The following COG7 variants were observed in gnomAD, a reference collection of about 807,000 sequenced individuals.
COG7 encodes the protein component of oligomeric golgi complex 7, also known as conserved oligomeric Golgi complex subunit 7.
COG7 carries 49 observed loss-of-function variants against 91.5 expected under a neutral mutation model. The observed-to-expected ratio is 0.54, with a 90% CI of 0.43 to 0.68. The LOEUF (loss-of-function observed/expected upper bound fraction) is 0.68. Among genes scored for constraint, COG7 ranks in the 30% least tolerant of loss-of-function variants. The probability of loss-of-function intolerance (pLI) is 0.00; values close to 1 mark genes in which losing one functional copy is unlikely to be tolerated. For synonymous variants in COG7, 365 were observed against 388.7 expected, an observed-to-expected ratio of 0.94 and a Z score of 0.72; for missense variants, 895 against 961.3, an observed-to-expected ratio of 0.93 and a Z score of 0.91.
Position 23,453,055 on chromosome 16 carries a change from G to T in COG7, c.-61C>A. The T allele has an allele frequency of 6.2e-7, 1 of 1,607,732 alleles. No homozygotes were observed. Among genetic ancestry groups the T allele is most frequent in the Non-Finnish European group, 8.5e-7 (1 of 1,176,378 alleles). On this transcript the variant is annotated 5_prime_UTR_variant, in exon 1 of 17. Transcript: ENST00000307149. ...AGAGTTGGCTCCGGGCGGCAACGGG[G>T]ATGCAGAAGCGAGCGAGCCTGCGAG... is the stretch of plus-strand genomic sequence containing the variant.
At chr16:23,425,089 C>T (rs1005438828) in intron 6 of COG7, 142 bp from the exon 7 acceptor site, 3 of 706,672 alleles carry the variant, frequency 4.2e-6, no homozygotes, top group Non-Finnish European at 7.2e-6. Context: ...GAAGGTGGAT[C>T]ACTTGAAGCC....
chr16:23,424,269 C>G (rs1963807424), intron 7 of COG7, among the ~76,000 whole-genome samples: 1 of 148,122 alleles, frequency 6.8e-6, no homozygotes, highest in Non-Finnish European at 1.5e-5. Context: ...TGCACTCCAG[C>G]CTGGGCAACA....
At chr16:23,426,073 G>A (rs948543695) in intron 6 of COG7, among the ~76,000 whole-genome samples, 1 of 152,038 alleles carries the variant, frequency 6.6e-6, no homozygotes, top group African/African-American at 2.4e-5. Context: ...AAAATTAGCT[G>A]GGCATGGTGG....
Position 23,442,333 on chromosome 16 carries a change from CAAAAAAA to C in COG7, c.604+137_604+143del, listed in dbSNP as rs57747474. The C allele has an allele frequency of 1.2e-4, 64 of 550,048 alleles. No homozygotes were observed. In the African/African-American group the frequency reaches 1.4e-3, roughly 12 times the overall value. The allele number at this position is 550,048 out of a possible 1,614,324, so 34.1% of individuals were successfully genotyped here. ...TCGGTGACAGAGAAAGACTCCGTCT[CAAAAAAA>C]AAAAAAAAAAAAATTACAGAGTTCC... is the stretch of plus-strand genomic sequence containing the variant. On this transcript the variant is annotated intron_variant, in intron 4 of 16. Coordinates refer to ENST00000307149, the MANE Select transcript of COG7 (RefSeq NM_153603.4).
chr16:23,403,917 CAGG>C, intron 12 of COG7, 83 bp from the exon 13 acceptor site: 1 of 1,545,106 alleles, frequency 6.5e-7, no homozygotes, highest in Non-Finnish European at 8.9e-7. Flanking sequence ...TGAAAACTCA[CAGG>C]AGAACTGGGG....
rs1963212705 is a variant in COG7 at position 23,392,362 on chromosome 16, T to C, written c.2146+18A>G. 6.2e-7 allele frequency: 1 copy of C among 1,613,978 alleles called. No individual in the cohort carries two copies. Among genetic ancestry groups the C allele is most frequent in the Admixed American group, 1.7e-5 (1 of 59,978 alleles). On this transcript the variant is annotated intron_variant, in intron 16 of 16. Transcript: ENST00000307149. ...GGCAAGAGCTGTCCCTCCCACCGCC[T>C]GTCTTGTGGGGACCCACCGATGTCA... is the stretch of plus-strand genomic sequence containing the variant.
chr16:23,418,711 C>A lies in COG7; in HGVS notation c.1126G>T (p.Ala376Ser), dbSNP rs771031254. ...EESNLLIQMS[A>S]VPLEHGEVID... ...CACTGCGACTTTACCAGAGGCACAGCACTCATCTGGATGAGGAGGTTGCTC... is the reference window on the plus strand; with the variant it reads ...CACTGCGACTTTACCAGAGGCACAGAACTCATCTGGATGAGGAGGTTGCTC... The change falls in exon 8 of 17, where the codon GCT (alanine) becomes TCT (serine). Residue 376 changes from alanine to serine, a missense_variant. Ala to Ser is a moderately conservative substitution (Grantham distance 99). Transcript: ENST00000307149. The A allele has an allele frequency of 5.0e-6, 8 of 1,613,704 alleles. No homozygotes were observed. In the South Asian group the frequency reaches 8.8e-5, roughly 18 times the overall value.
At chr16:23,409,389 T>C (rs1189458452) in intron 11 of COG7, among the ~76,000 whole-genome samples, 1 of 152,194 alleles carries the variant, frequency 6.6e-6, no homozygotes, top group Non-Finnish European at 1.5e-5. Flanking sequence ...CCTGGGCAGC[T>C]TGGGCCAGAT....
At chr16:23,421,850 C>CAAAAAAAA (rs369425955) in intron 7 of COG7, among the ~76,000 whole-genome samples, 3 of 47,662 alleles carry the variant, frequency 6.3e-5, no homozygotes, top group Non-Finnish European at 1.3e-4. Flanking sequence ...GACTCCATCT[C>CAAAAAAAA]AAAAAAAAAA....
chr16:23,423,695 GAGA>G (rs1355408588), intron 7 of COG7, among the ~76,000 whole-genome samples: 1 of 152,208 alleles, frequency 6.6e-6, no homozygotes, highest in Non-Finnish European at 1.5e-5. Context: ...TGTAATTAAA[GAGA>G]AGAACTATTA....
intron 14 of COG7, among the ~76,000 whole-genome samples, chr16:23,397,432 A>G (rs1963303534): frequency 6.6e-6 from 1 of 152,186 alleles, no homozygotes; most frequent in African/African-American, 2.4e-5. Context: ...GACTGCAGGA[A>G]GTAACGGAAG....
rs770591427 is a variant in COG7 at position 23,403,844 on chromosome 16, GA to G, written c.1663-11del. ...TGCTTGACCCTTTTTCCTAAGACAA[GA>G]AAATGCAAAAGGCAGTTGTTAGGCC... is the stretch of plus-strand genomic sequence containing the variant. On this transcript the variant is annotated splice_polypyrimidine_tract_variant and intron_variant, in intron 12 of 16. Transcript: ENST00000307149. The G allele has an allele frequency of 5.6e-6, 9 of 1,614,188 alleles. No individual in the cohort carries two copies. The South Asian group carries it at 8.8e-5, about 16-fold the overall frequency.
At chr16:23,421,999 A>G (rs1327278949) in intron 7 of COG7, among the ~76,000 whole-genome samples, 1 of 152,204 alleles carries the variant, frequency 6.6e-6, no homozygotes, top group African/African-American at 2.4e-5. Flanking sequence ...AGTTTTATAT[A>G]TCATAGTGAT....
chr16:23,447,791 T>A (rs2142097719), intron 1 of COG7, among the ~76,000 whole-genome samples: 1 of 151,798 alleles, frequency 6.6e-6, no homozygotes, highest in Admixed American at 6.6e-5. Flanking sequence ...CCCCAGCTAC[T>A]CGGGAGGCTG....
rs1342918421 is a variant in COG7, at chr16:23,435,003, G to A, written c.605-285C>T. ...AATTCCTACTTCGATTATACCAGAT[G>A]GGAACTTTAAAAAAGCAAACACACT... On this transcript the variant is annotated intron_variant, in intron 4 of 16. Transcript: ENST00000307149. Among the ~76,000 whole-genome samples, 9 of 152,174 alleles carry A rather than the reference G, an allele frequency of 5.9e-5. No homozygotes were observed. In the East Asian group the frequency reaches 1.7e-3, roughly 29 times the overall value.
At position 23,398,096 on chromosome 16, in the gene COG7, T is replaced by C; in HGVS notation, c.1837A>G (p.Thr613Ala). 6.2e-7 allele frequency: 1 copy of C among 1,614,142 alleles called. No homozygotes were observed. Among genetic ancestry groups the C allele is most frequent in the Admixed American group, 1.7e-5 (1 of 60,028 alleles). The stretch of plus-strand genomic sequence containing the variant: ...AGACTAAAGGCGGGCAGTTCATCTG[T>C]GAGGGTTTCTCCGATGCCAGCCGTA... ...WNTAGIGETL[T>A]DELPAFSLTP... Residue 613 changes from threonine (T) to alanine (A), a missense_variant, in exon 14 of 17, where the codon ACA (threonine) becomes GCA (alanine). By Grantham distance (58) the Thr-to-Ala change is moderately conservative (BLOSUM62 0). Coordinates refer to ENST00000307149, the MANE Select transcript of COG7 (RefSeq NM_153603.4).
At chr16:23,410,392 G>A (rs762961816) in intron 10 of COG7, 32 bp from the exon 11 acceptor site, 2 of 1,579,126 alleles carry the variant, frequency 1.3e-6, no homozygotes, top group African/African-American at 1.3e-5. Context: ...TCAAGTTCAA[G>A]TATCTGGAAT....
intron 4 of COG7, among the ~76,000 whole-genome samples, chr16:23,438,449 T>G (rs1964046778): frequency 6.6e-6 from 1 of 152,108 alleles, no homozygotes; most frequent in Non-Finnish European, 1.5e-5. Flanking sequence ...TCCCAGCTAC[T>G]TGGGAGGCTG....
At position 23,405,507 on chromosome 16, in the gene COG7, C is replaced by G. The variant is rs546599645; in HGVS notation, c.1662+569G>C. ...CTAGCCGCAGATCTAAACCCACATTCTCTTTTTTCCTTTTTTTTTTTTTTT... is the reference window on the plus strand; with the variant it reads ...CTAGCCGCAGATCTAAACCCACATTGTCTTTTTTCCTTTTTTTTTTTTTTT... On this transcript the variant is annotated intron_variant, in intron 12 of 16. Transcript: ENST00000307149. 1.3e-4 allele frequency among the ~76,000 whole-genome samples: 20 copies of G among 151,298 alleles called. No individual in the cohort carries two copies. In the South Asian group the frequency reaches 4.2e-3, roughly 32 times the overall value.
Sources: allele counts gnomAD v4.1 joint callset (sites outside exome capture counted in the v4.1 genomes callset), GRCh38; gene constraint gnomAD v4.1.1; transcripts MANE v1.5; gene names NCBI Gene and HGNC (gene_info 2026-07-23, HGNC 2026-07-21).